Variants in SORBS2 observed in about 807,000 individuals in gnomAD.
SORBS2 encodes the protein sorbin and SH3 domain-containing protein 2.
SORBS2 carries 46 observed loss-of-function variants against 97.7 expected under a neutral mutation model. That is an observed-to-expected ratio of 0.47 (90% CI 0.37 to 0.60). The LOEUF (loss-of-function observed/expected upper bound fraction) is 0.60. SORBS2 is among the 20% of genes least tolerant of loss of function. The pLI is 0.00. For synonymous variants in SORBS2, 476 were observed against 473.4 expected, an observed-to-expected ratio of 1.01 and a Z score of -0.07; for missense variants, 1,316 against 1,282.3, an observed-to-expected ratio of 1.03 and a Z score of -0.40.
chr4:185,624,453 A>C lies in SORBS2; in HGVS notation c.676T>G (p.Ser226Ala), dbSNP rs1405439093. 4 of 1,613,358 alleles carry C rather than the reference A, an allele frequency of 2.5e-6. No homozygotes were observed. The East Asian group carries it at 8.9e-5, about 36-fold the overall frequency. ...CTGGAGGGGTTGCCGTTGAGCCCTG[A>C]GTAACTGCAAAGGGATGGACATATT... The change falls in exon 7 of 15, where the codon TCA becomes GCA. Residue 226 changes from serine to alanine, a missense_variant. Coordinates refer to ENST00000418609, the Ensembl canonical transcript of SORBS2.
chr4:185,934,610 A>AAC (rs2099268047), intron 1 of SORBS2, among the ~76,000 whole-genome samples: 13 of 151,750 alleles, frequency 8.6e-5, no homozygotes, highest in African/African-American at 3.1e-4. Flanking sequence ...AAAATACAAA[A>AAC]AACAACAACA....
intron 1 of SORBS2, among the ~76,000 whole-genome samples, chr4:185,879,434 G>A (rs2099235745): frequency 6.6e-6 from 1 of 152,034 alleles, no homozygotes; most frequent in South Asian, 2.1e-4. Context: ...GGACATTCGG[G>A]TTGGTTCCAA....
rs143393647 is a variant in SORBS2 at position 185,762,375 on chromosome 4, A to G, written c.-198+12852T>C. ...GAAATGTGAGTCTGGAACTTTCACA[A>G]GAGATCAGGGATAGAGATTAGGGAT... On this transcript the variant is annotated intron_variant, in intron 2 of 20. Transcript: ENST00000284776. 4.7e-3 allele frequency among the ~76,000 whole-genome samples: 717 copies of G among 152,310 alleles called. 4 individuals are homozygous for G. Among genetic ancestry groups the G allele is most frequent in the African/African-American group, 0.016 (664 of 41,554 alleles).
At chr4:185,767,052 T>C (rs1295587597) in intron 2 of SORBS2, among the ~76,000 whole-genome samples, 1 of 152,168 alleles carries the variant, frequency 6.6e-6, no homozygotes, top group Non-Finnish European at 1.5e-5. Flanking sequence ...GTCCTAACAT[T>C]TGGCTCATTA....
rs187720753 is a variant in SORBS2 at position 185,670,401 on chromosome 4, C to T, written c.-46+8022G>A. 7.4e-4 allele frequency among the ~76,000 whole-genome samples: 112 copies of T among 152,162 alleles called. No individual in the cohort carries two copies. In the East Asian group the frequency reaches 0.014, roughly 18 times the overall value. ...AAGGAAGCACAGAATTTCCTTCCAC[C>T]TCAGGTTCCAGTTGGCTTGACATGG... On this transcript the variant is annotated intron_variant, in intron 4 of 20. Coordinates refer to the SORBS2 transcript ENST00000284776.
intron 1 of SORBS2, among the ~76,000 whole-genome samples, chr4:185,839,842 G>C (rs1040224642): frequency 1.3e-5 from 2 of 152,206 alleles, no homozygotes; most frequent in African/African-American, 4.8e-5. Flanking sequence ...CCTGTTTAAA[G>C]AAGGATCCTT....
rs1172780529 is a variant in SORBS2, at chr4:185,648,192, C to T, written c.281+1275G>A. 3.3e-5 allele frequency among the ~76,000 whole-genome samples: 5 copies of T among 152,058 alleles called. No homozygotes were observed. In the East Asian group the frequency reaches 7.7e-4, roughly 24 times the overall value. ...GGCCAGGCCAGTCTTGAACCTCTGG[C>T]CTCAGGCAATCCACACACCATGGCT... On this transcript the variant is annotated intron_variant, in intron 3 of 14. Coordinates refer to ENST00000418609, the Ensembl canonical transcript of SORBS2.
intron 2 of SORBS2, among the ~76,000 whole-genome samples, chr4:185,764,546 T>C (rs1207144294): frequency 6.6e-6 from 1 of 152,230 alleles, no homozygotes; most frequent in African/African-American, 2.4e-5. Context: ...ACCAAAAATA[T>C]GGAAGTATAG....
intron 4 of SORBS2, chr4:185,646,462 C>A: frequency 2.0e-6 from 1 of 493,674 alleles, no homozygotes; most frequent in Non-Finnish European, 3.6e-6. Context: ...CACACATACA[C>A]TTGTATTTGG....
At chr4:185,717,586 TA>T (rs1299824888) in intron 2 of SORBS2, among the ~76,000 whole-genome samples, 1 of 152,100 alleles carries the variant, frequency 6.6e-6, no homozygotes, top group Non-Finnish European at 1.5e-5. Context: ...CACATATAGG[TA>T]GAAGCCGCAT....
intron 11 of SORBS2, among the ~76,000 whole-genome samples, chr4:185,614,159 G>GTTTTTTTTTTTTTTTTTTTTTT (rs34929054): frequency 1.3e-4 from 12 of 91,612 alleles, no homozygotes; most frequent in East Asian, 4.0e-4. Context: ...GTTTTTTTGT[G>GTTTTTTTTTTTTTTTTTTTTTT]TTTTTTTTTT....
chr4:185,655,990 A>G (rs1213608993), intron 1 of SORBS2, among the ~76,000 whole-genome samples: 1 of 152,202 alleles, frequency 6.6e-6, no homozygotes, highest in Non-Finnish European at 1.5e-5. Context: ...AACCAATGAC[A>G]CCATTTCTGT....
intron 2 of SORBS2, among the ~76,000 whole-genome samples, chr4:185,695,051 G>A (rs570770196): frequency 4.1e-4 from 63 of 151,848 alleles, no homozygotes; most frequent in African/African-American, 5.6e-4. Flanking sequence ...CATTTTTCTC[G>A]GAATCAGAGC....
At position 185,768,698 on chromosome 4, in the gene SORBS2, C is replaced by CAAAAA. The variant is rs1207578871; in HGVS notation, c.-198+6524_-198+6528dup. ...TGGGCAACAGAGTGAGACTCTGTCT[C>CAAAAA]AAAAAAAAAAAAACAAAAAAACAAA... On this transcript the variant is annotated intron_variant, in intron 2 of 20. Coordinates refer to the SORBS2 transcript ENST00000284776. 1.1e-3 allele frequency among the ~76,000 whole-genome samples: 93 copies of CAAAAA among 84,738 alleles called. 1 individual carries two copies. Among genetic ancestry groups the CAAAAA allele is most frequent in the Non-Finnish European group, 1.5e-3 (62 of 40,824 alleles). 55.6% of individuals were successfully genotyped at this position (84,738 alleles called of 152,430 possible). A position where few individuals can be genotyped will look rare whatever the true frequency, so the allele number is the denominator to read the frequency against.
chr4:185,721,082 T>TCC, intron 2 of SORBS2, among the ~76,000 whole-genome samples: 3 of 118,130 alleles, frequency 2.5e-5, no homozygotes, highest in African/African-American at 9.4e-5. Flanking sequence ...TTCCCACCTA[T>TCC]TCTTTTTTTT....
At chr4:185,900,529 C>T (rs2099247159) in intron 1 of SORBS2, among the ~76,000 whole-genome samples, 1 of 152,104 alleles carries the variant, frequency 6.6e-6, no homozygotes, top group South Asian at 2.1e-4. Flanking sequence ...GATAGAATCC[C>T]ATTTCTCATT....
intron 8 of SORBS2, among the ~76,000 whole-genome samples, chr4:185,619,669 C>A (rs755935978): frequency 2.0e-5 from 3 of 152,190 alleles, no homozygotes; most frequent in Non-Finnish European, 4.4e-5. Context: ...TCTGTAGGCT[C>A]TGTATTGATT....
At chr4:185,830,155 T>G (rs1433610547) in intron 1 of SORBS2, among the ~76,000 whole-genome samples, 1 of 152,228 alleles carries the variant, frequency 6.6e-6, no homozygotes, top group Admixed American at 6.5e-5. Flanking sequence ...CTTCACATTT[T>G]TTTCTTTGAT....
At chr4:185,880,935 C>T (rs1443594791) in intron 1 of SORBS2, among the ~76,000 whole-genome samples, 1 of 151,120 alleles carries the variant, frequency 6.6e-6, no homozygotes, top group Non-Finnish European at 1.5e-5. Flanking sequence ...AGACACAGCA[C>T]TGAGGTGGAG....
Sources: allele counts gnomAD v4.1 joint callset (sites outside exome capture counted in the v4.1 genomes callset), GRCh38; gene constraint gnomAD v4.1.1; transcripts MANE v1.5; gene names NCBI Gene and HGNC (gene_info 2026-07-23, HGNC 2026-07-21).